The following TMEM176A variants were observed in gnomAD, a reference collection of about 807,000 sequenced individuals.
TMEM176A encodes the protein hepatocellular carcinoma-associated antigen 112.
A neutral mutation model predicts 27.9 loss-of-function variants in TMEM176A; 20 were observed. The ratio of observed to expected loss-of-function variants is 0.72; its 90% CI spans 0.50 to 1.04. The LOEUF is 1.04. Ranked by LOEUF, TMEM176A falls within the 50% of genes least tolerant of loss-of-function variation. The pLI is 0.00. For missense variants in TMEM176A, 252 were observed against 289.1 expected, an observed-to-expected ratio of 0.87 and a Z score of 0.93; for synonymous variants, 125 against 118.0, an observed-to-expected ratio of 1.06 and a Z score of -0.38.
intron 3 of TMEM176A, chr7:150,803,101 C>A: frequency 9.2e-7 from 1 of 1,092,028 alleles, no homozygotes; most frequent in Middle Eastern, 4.1e-4. Flanking sequence ...TCCCACCATC[C>A]CTAGAACTTT....
chr7:150,804,333 T>C, intron 5 of TMEM176A, 29 bp from the exon 6 acceptor site: 1 of 1,564,684 alleles, frequency 6.4e-7, no homozygotes, highest in Non-Finnish European at 8.8e-7. Flanking sequence ...GTCATCCTGG[T>C]GCTTATGGCC....
At chr7:150,804,735 T>C in intron 6 of TMEM176A, 92 bp from the exon 7 acceptor site, 1 of 1,324,496 alleles carries the variant, frequency 7.6e-7, no homozygotes, top group Non-Finnish European at 1.1e-6. Flanking sequence ...ATGCTGCTGA[T>C]TCTGGTAGCT....
chr7:150,801,140 C>T (rs1798767708), intron 1 of TMEM176A: 4 of 273,834 alleles, frequency 1.5e-5, no homozygotes, highest in Non-Finnish European at 2.2e-5. Flanking sequence ...ACAGGAGCTC[C>T]ACAGGCAGCC....
chr7:150,802,092 T>TTC lies in TMEM176A; in HGVS notation c.175-119_175-118dup, dbSNP rs1451674177. 1.8e-5 allele frequency: 13 copies of TTC among 715,182 alleles called. No homozygotes were observed. The East Asian group carries it at 3.1e-4, about 17-fold the overall frequency. 44.3% of individuals were successfully genotyped at this position (715,182 alleles called of 1,614,324 possible). A position where few individuals can be genotyped will look rare whatever the true frequency, so the allele number is the denominator to read the frequency against. On this transcript the variant is annotated intron_variant, in intron 2 of 6. Transcript: ENST00000004103. Reference sequence around the variant, plus strand: ...TCTTCTCCTTTTCTCTTCTCTTCTCTTCTCTTCTCTTCTTTCTTTCTCTCT... The same window carrying TTC: ...TCTTCTCCTTTTCTCTTCTCTTCTCTTCTCTCTTCTCTTCTTTCTTTCTCTCT...
Position 150,805,036 on chromosome 7 carries a change from T to G in TMEM176A, c.*168T>G. The G allele has an allele frequency of 1.5e-6, 1 of 677,692 alleles. No individual in the cohort carries two copies. Among genetic ancestry groups the G allele is most frequent in the East Asian group, 2.6e-5 (1 of 38,932 alleles). 42.0% of individuals were successfully genotyped at this position (677,692 alleles called of 1,614,324 possible). A position where few individuals can be genotyped will look rare whatever the true frequency, so the allele number is the denominator to read the frequency against. On this transcript the variant is annotated 3_prime_UTR_variant, in exon 7 of 7. Coordinates refer to ENST00000004103, the MANE Select transcript of TMEM176A (RefSeq NM_018487.3). ...TGCTCCAGCAGCACTTGCCCATTCCTTACACCCCTTCCCCATCCTGCTCCG... is the reference window on the plus strand; with the variant it reads ...TGCTCCAGCAGCACTTGCCCATTCCGTACACCCCTTCCCCATCCTGCTCCG...
chr7:150,801,642 A>C lies in TMEM176A; in HGVS notation c.92A>C (p.Lys31Thr). Reference sequence around the variant, plus strand: ...ATCCACCAGGAGTCTGCCCTGGCCAAGCTCCTGCTCACCTGCTGCTCTGCG... The same window carrying C: ...ATCCACCAGGAGTCTGCCCTGGCCACGCTCCTGCTCACCTGCTGCTCTGCG... ...VHIHQESALAKLLLTCCSALR... is the reference protein window; with the variant it reads ...VHIHQESALATLLLTCCSALR... Residue 31 changes from lysine to threonine, a missense_variant, in exon 2 of 7, where the codon AAG (lysine) becomes ACG (threonine). By Grantham distance (78) the Lys-to-Thr change is moderately conservative. Transcript: ENST00000004103. 1 of 1,613,356 alleles carries C rather than the reference A, an allele frequency of 6.2e-7. No individual in the cohort carries two copies. The highest frequency in any genetic ancestry group is 1.1e-5 in the South Asian group (1 of 91,056).
chr7:150,802,288 T>C lies in TMEM176A; in HGVS notation c.248T>C (p.Leu83Pro). ...TTCTACATCCGCGACTACACCCTCC[T>C]CGTCACCTCGGGAGCTGCCATCTGG... ...GFFYIRDYTL[L>P]VTSGAAIWTG... Residue 83 changes from leucine (L) to proline (P), a missense_variant, in exon 3 of 7, where the codon CTC becomes CCC. Transcript: ENST00000004103. 6.2e-7 allele frequency: 1 copy of C among 1,614,088 alleles called. No homozygotes were observed. Among genetic ancestry groups the C allele is most frequent in the Non-Finnish European group, 8.5e-7 (1 of 1,180,004 alleles).
At chr7:150,801,284 G>C (rs913969576) in intron 1 of TMEM176A, 3 of 396,000 alleles carry the variant, frequency 7.6e-6, no homozygotes, top group Non-Finnish European at 1.3e-5. Flanking sequence ...AGGAGGATGA[G>C]GGGGACAGAG....
At position 150,804,470 on chromosome 7, in the gene TMEM176A, G is replaced by C. The variant is rs1162672206; in HGVS notation, c.664G>C (p.Gly222Arg). The part of the protein sequence containing the change: ...LYCWRMFPTK[G>R]KRDQKEMLEV... ...CTGCTGGAGAATGTTCCCAACCAAAGGGGTGAGTCCCTAAGGTGTGTGCCT... is the reference window on the plus strand; with the variant it reads ...CTGCTGGAGAATGTTCCCAACCAAACGGGTGAGTCCCTAAGGTGTGTGCCT... The change falls in exon 6 of 7, where the codon GGG becomes CGG. Residue 222 changes from glycine to arginine, a missense_variant and splice_region_variant. Transcript: ENST00000004103. 1 of 1,612,672 alleles carries C rather than the reference G, an allele frequency of 6.2e-7. No individual in the cohort carries two copies. The highest frequency in any genetic ancestry group is 1.1e-5 in the South Asian group (1 of 91,048).
intron 2 of TMEM176A, 185 bp from the exon 3 acceptor site, chr7:150,802,030 C>T (rs950894125): frequency 4.9e-6 from 3 of 617,788 alleles, no homozygotes; most frequent in Admixed American, 5.9e-5. Flanking sequence ...CTTTTCTCCT[C>T]CTCCTGCCTC....
intron 1 of TMEM176A, 109 bp downstream of exon 1, chr7:150,800,937 C>T: frequency 3.0e-6 from 3 of 985,740 alleles, no homozygotes; most frequent in Non-Finnish European, 3.6e-6. Flanking sequence ...CCAGGGATGA[C>T]ACTCCAGGAA....
At chr7:150,800,993 C>T (rs1486852155) in intron 1 of TMEM176A, 165 bp downstream of exon 1, 2 of 985,748 alleles carry the variant, frequency 2.0e-6, no homozygotes, top group Non-Finnish European at 2.4e-6. Flanking sequence ...TTTGACCTAC[C>T]TCCGCACCGC....
intron 1 of TMEM176A, chr7:150,801,265 G>T: frequency 9.2e-6 from 3 of 324,672 alleles, no homozygotes; most frequent in Non-Finnish European, 1.1e-5. Flanking sequence ...CAGACGCCAG[G>T]GCCCTGGGAG....
intron 6 of TMEM176A, 94 bp from the exon 7 acceptor site, chr7:150,804,733 G>T (rs2116743833): frequency 7.6e-7 from 1 of 1,315,436 alleles, no homozygotes; most frequent in Non-Finnish European, 1.1e-6. Flanking sequence ...CCATGCTGCT[G>T]ATTCTGGTAG....
intron 2 of TMEM176A, 63 bp downstream of exon 2, chr7:150,801,787 C>G: frequency 7.2e-7 from 1 of 1,392,590 alleles, no homozygotes; most frequent in Non-Finnish European, 9.5e-7. Flanking sequence ...GCCGCAGCAG[C>G]ACTCTCTGCC....
intron 1 of TMEM176A, 132 bp from the exon 2 acceptor site, chr7:150,801,404 G>C: frequency 1.2e-6 from 1 of 850,458 alleles, no homozygotes; most frequent in Non-Finnish European, 1.8e-6. Context: ...GGCCAGGGGT[G>C]CGGCCCTGTG....
Position 150,803,442 on chromosome 7 carries a change from G to A in TMEM176A, c.328G>A (p.Gly110Ser), listed in dbSNP as rs1285710961. ...TGCTGCCTTCATTTACGAGAAACGG[G>A]GTGGTACATACTGGGTAAGTTCAGG... ...GAAAFIYEKR[G>S]GTYWALLRTL... Residue 110 changes from glycine (G) to serine (S), a missense_variant, in exon 4 of 7, where the codon GGT (glycine) becomes AGT (serine). Coordinates refer to ENST00000004103, the MANE Select transcript of TMEM176A (RefSeq NM_018487.3). 1 of 1,596,956 alleles carries A rather than the reference G, an allele frequency of 6.3e-7. No individual in the cohort carries two copies. The highest frequency in any genetic ancestry group is 1.7e-5 in the Admixed American group (1 of 57,892).
intron 5 of TMEM176A, 88 bp from the exon 6 acceptor site, chr7:150,804,274 G>C: frequency 9.1e-7 from 1 of 1,093,228 alleles, no homozygotes; most frequent in Non-Finnish European, 1.4e-6. Flanking sequence ...AAGGGGTAGA[G>C]ATTTTCCCAG....
At position 150,801,001 on chromosome 7, in the gene TMEM176A, C is replaced by T. The variant is rs1226166285; in HGVS notation, c.-16+173C>T. On this transcript the variant is annotated intron_variant, in intron 1 of 6. Coordinates refer to ENST00000004103, the MANE Select transcript of TMEM176A (RefSeq NM_018487.3). ...CCCGGCTTTTGACCTACCTCCGCACCGCAGCGCGGTCCTTCACGGGGCAGG... is the reference window on the plus strand; with the variant it reads ...CCCGGCTTTTGACCTACCTCCGCACTGCAGCGCGGTCCTTCACGGGGCAGG... 6.1e-6 allele frequency: 6 copies of T among 985,654 alleles called. No individual in the cohort carries two copies. In the East Asian group the frequency reaches 4.5e-4, roughly 75 times the overall value. The allele number at this position is 985,654 out of a possible 1,614,324, so 61.1% of individuals were successfully genotyped here. A position where few individuals can be genotyped will look rare whatever the true frequency, so the allele number is the denominator to read the frequency against.
Sources: gnomAD v4.1 joint callset for allele counts on GRCh38, gnomAD v4.1.1 for gene constraint, MANE v1.5 for transcripts, NCBI Gene and HGNC (gene_info 2026-07-23, HGNC 2026-07-21) for gene names.